Variants in GRK4 observed in about 807,000 individuals in gnomAD.
The protein encoded by GRK4 is G protein-coupled receptor kinase 4, also known as G protein-coupled receptor kinase 2-like.
A neutral mutation model predicts 77.9 loss-of-function variants in GRK4; 73 were observed. That is an observed-to-expected ratio of 0.94 (90% CI 0.78 to 1.14). The LOEUF (loss-of-function observed/expected upper bound fraction) is 1.14. Ranked by LOEUF, GRK4 falls within the 50% of genes most tolerant of loss-of-function variation. The probability of loss-of-function intolerance (pLI) is 0.00; values close to 1 mark genes in which losing one functional copy is unlikely to be tolerated. For synonymous variants in GRK4, 257 were observed against 254.4 expected (o/e 1.01, Z -0.10); for missense variants, 729 against 700.2 (o/e 1.04, Z -0.46).
At position 3,022,112 on chromosome 4, in the gene GRK4, G is replaced by A. The variant is rs143050739; in HGVS notation, c.933-302G>A. On this transcript the variant is annotated intron_variant, in intron 9 of 15. Coordinates refer to ENST00000398052, the MANE Select transcript of GRK4 (RefSeq NM_182982.3). ...AAATATGTTAATGGTAAGAGAAATT[G>A]TGCCACGTTCATTAAGGACTGTTTG... is the stretch of plus-strand genomic sequence containing the variant. 2.6e-5 allele frequency among the ~76,000 whole-genome samples: 4 copies of A among 152,334 alleles called. No individual in the cohort carries two copies. In the East Asian group the frequency reaches 7.7e-4, roughly 29 times the overall value.
At chr4:3,023,764 G>A (rs1736702215) in intron 10 of GRK4, among the ~76,000 whole-genome samples, 1 of 152,176 alleles carries the variant, frequency 6.6e-6, no homozygotes. Flanking sequence ...GCTTAACAAG[G>A]GTAGGTAGAA....
intron 5 of GRK4, 113 bp downstream of exon 5, chr4:3,004,447 G>C (rs1413690468): frequency 1.6e-6 from 1 of 636,210 alleles, no homozygotes; most frequent in East Asian, 2.7e-5. Flanking sequence ...GTTGACCCTT[G>C]AACAACATGG....
chr4:2,968,678 C>G (rs1173812150), intron 1 of GRK4, among the ~76,000 whole-genome samples: 1 of 152,004 alleles, frequency 6.6e-6, no homozygotes, highest in African/African-American at 2.4e-5. Context: ...ATAAATAAGA[C>G]GTGTGGCATA....
chr4:2,997,430 G>C (rs894671615), intron 4 of GRK4, among the ~76,000 whole-genome samples: 2 of 152,194 alleles, frequency 1.3e-5, no homozygotes, highest in Non-Finnish European at 2.9e-5. Flanking sequence ...GTCCCTTCAT[G>C]AAAGTGGAAC....
chr4:2,964,916 G>C (rs975916023), intron 1 of GRK4, among the ~76,000 whole-genome samples: 2 of 151,598 alleles, frequency 1.3e-5, no homozygotes, highest in African/African-American at 4.9e-5. Context: ...ATAGGCTCCA[G>C]ACACCCCCCT....
chr4:3,004,618 A>G (rs1017711507), intron 5 of GRK4, among the ~76,000 whole-genome samples: 8 of 152,234 alleles, frequency 5.3e-5, no homozygotes, highest in African/African-American at 1.9e-4. Flanking sequence ...TATGTATTAT[A>G]TGCTATACTC....
At chr4:2,980,111 CAG>C (rs1722447457) in intron 1 of GRK4, among the ~76,000 whole-genome samples, 1 of 152,210 alleles carries the variant, frequency 6.6e-6, no homozygotes, top group Non-Finnish European at 1.5e-5. Flanking sequence ...CTGTTAGGAC[CAG>C]CTGCCTGACC....
intron 11 of GRK4, 115 bp downstream of exon 11, chr4:3,028,116 A>G (rs1336578443): frequency 6.0e-6 from 5 of 830,450 alleles, no homozygotes; most frequent in South Asian, 2.9e-5. Flanking sequence ...ACACTAGTAG[A>G]TGGCGCAGTG....
At chr4:3,032,938 C>T (rs1254028787) in intron 12 of GRK4, among the ~76,000 whole-genome samples, 2 of 152,210 alleles carry the variant, frequency 1.3e-5, no homozygotes, top group Non-Finnish European at 2.9e-5. Flanking sequence ...GTCAGGCCAT[C>T]TGTCTTAGTC....
chr4:3,038,726 C>G, intron 15 of GRK4: 2 of 511,892 alleles, frequency 3.9e-6, no homozygotes, highest in Non-Finnish European at 6.9e-6. Context: ...GAAGACTGTT[C>G]TGATCCAAAA....
chr4:2,963,995 G>A lies in GRK4; in HGVS notation c.-76G>A, dbSNP rs755609795. The A allele has an allele frequency of 7.5e-7, 1 of 1,330,382 alleles. No homozygotes were observed. Among genetic ancestry groups the A allele is most frequent in the Non-Finnish European group, 1.1e-6 (1 of 939,534 alleles). 82.4% of individuals were successfully genotyped at this position (1,330,382 alleles called of 1,614,324 possible). On this transcript the variant is annotated 5_prime_UTR_variant, in exon 1 of 16. Coordinates refer to ENST00000398052, the MANE Select transcript of GRK4 (RefSeq NM_182982.3). ...TGCCCGGCGAGCTATGCACGGGGGC[G>A]GCGGCGTCTCCTCCTGTTCCGCCTC...
chr4:2,963,998 G>GGCGTCTCCTCCTGTTCCGCCTCCT lies in GRK4; in HGVS notation c.-72_-49dup, dbSNP rs1577875215. The GGCGTCTCCTCCTGTTCCGCCTCCT allele has an allele frequency of 7.3e-7, 1 of 1,364,112 alleles. No homozygotes were observed. Among genetic ancestry groups the GGCGTCTCCTCCTGTTCCGCCTCCT allele is most frequent in the East Asian group, 2.3e-5 (1 of 42,774 alleles). 84.5% of individuals were successfully genotyped at this position (1,364,112 alleles called of 1,614,324 possible). A position where few individuals can be genotyped will look rare whatever the true frequency, so the allele number is the denominator to read the frequency against. On this transcript the variant is annotated 5_prime_UTR_variant, in exon 1 of 16. Transcript: ENST00000398052. ...CCGGCGAGCTATGCACGGGGGCGGC[G>GGCGTCTCCTCCTGTTCCGCCTCCT]GCGTCTCCTCCTGTTCCGCCTCCTC...
chr4:3,008,466 C>G (rs748401472), intron 6 of GRK4, among the ~76,000 whole-genome samples: 11 of 152,170 alleles, frequency 7.2e-5, no homozygotes, highest in African/African-American at 2.7e-4. Context: ...GTGTGTACAA[C>G]GCTTATAGCA....
At chr4:3,010,502 C>T (rs1732606355) in intron 7 of GRK4, among the ~76,000 whole-genome samples, 1 of 152,154 alleles carries the variant, frequency 6.6e-6, no homozygotes, top group Admixed American at 6.5e-5. Flanking sequence ...GCTGGGATTA[C>T]AGGCGTGAGC....
intron 2 of GRK4, among the ~76,000 whole-genome samples, chr4:2,987,484 TTGGA>T (rs1444224075): frequency 6.6e-6 from 1 of 152,132 alleles, no homozygotes; most frequent in East Asian, 1.9e-4. Flanking sequence ...TGGCATTGAG[TTGGA>T]TATTGCGTGG....
chr4:3,017,099 G>A (rs1734776483), intron 8 of GRK4, among the ~76,000 whole-genome samples: 1 of 152,198 alleles, frequency 6.6e-6, no homozygotes, highest in Non-Finnish European at 1.5e-5. Flanking sequence ...GGCAGTCTGT[G>A]GACAAGTTAA....
At chr4:3,017,200 G>A (rs965044291) in intron 8 of GRK4, among the ~76,000 whole-genome samples, 3 of 152,260 alleles carry the variant, frequency 2.0e-5, no homozygotes, top group African/African-American at 7.2e-5. Flanking sequence ...TTCAGGCACT[G>A]AGGGACCTGG....
At chr4:2,990,419 A>G (rs1168786298) in intron 3 of GRK4, among the ~76,000 whole-genome samples, 5 of 151,636 alleles carry the variant, frequency 3.3e-5, no homozygotes, top group African/African-American at 9.7e-5. Context: ...ACCACACCCA[A>G]CTAATTTTTG....
At chr4:2,993,223 C>T (rs1428123803) in intron 4 of GRK4, among the ~76,000 whole-genome samples, 1 of 152,172 alleles carries the variant, frequency 6.6e-6, no homozygotes, top group East Asian at 1.9e-4. Flanking sequence ...ATGCTTTTGA[C>T]TTACTTGGTT....
Sources: allele counts gnomAD v4.1 joint callset (sites outside exome capture counted in the v4.1 genomes callset), GRCh38; gene constraint gnomAD v4.1.1; transcripts MANE v1.5; gene names NCBI Gene and HGNC (gene_info 2026-07-23, HGNC 2026-07-21).